The following SEMA6D variants were observed in gnomAD, a reference collection of about 807,000 sequenced individuals.
SEMA6D encodes the protein semaphorin-6D.
A neutral mutation model predicts 106.6 loss-of-function variants in SEMA6D; 35 were observed. The observed-to-expected ratio is 0.33, with a 90% CI of 0.25 to 0.44. The LOEUF is 0.44. SEMA6D is among the 20% of genes least tolerant of loss of function. The pLI is 1.00. For missense variants in SEMA6D, 1,185 were observed against 1,345.9 expected (o/e 0.88, Z 1.87); for synonymous variants, 499 against 487.7 (o/e 1.02, Z -0.31).
At chr15:47,653,331 T>C (rs1236764948) in intron 4 of SEMA6D, among the ~76,000 whole-genome samples, 1 of 152,184 alleles carries the variant, frequency 6.6e-6, no homozygotes, top group Non-Finnish European at 1.5e-5. Context: ...CGGGAAATAA[T>C]AGAGACTCTT....
At position 47,303,851 on chromosome 15, in the gene SEMA6D, C is replaced by G. The variant is rs374973432; in HGVS notation, c.-238-108542C>G. On this transcript the variant is annotated intron_variant, in intron 1 of 19. Transcript: ENST00000558014. ...TCTAGGAAGGCCAAATAATGAGGCT[C>G]TGAACTGTGCTTATGCCTGAGAGCT... Among the ~76,000 whole-genome samples the G allele has an allele frequency of 7.9e-5, 12 of 152,240 alleles. No individual in the cohort carries two copies. In the East Asian group the frequency reaches 2.3e-3, roughly 29 times the overall value.
chr15:47,390,384 T>A (rs2039984928), intron 1 of SEMA6D, among the ~76,000 whole-genome samples: 1 of 152,192 alleles, frequency 6.6e-6, no homozygotes, highest in Non-Finnish European at 1.5e-5. Context: ...GTTAGCAAAG[T>A]GTACTCAGCC....
intron 1 of SEMA6D, among the ~76,000 whole-genome samples, chr15:47,287,961 G>GTT (rs1225237288): frequency 1.3e-5 from 2 of 152,114 alleles, no homozygotes; most frequent in African/African-American, 4.8e-5. Context: ...GGGGGAGATG[G>GTT]TTTTTCACAT....
intron 1 of SEMA6D, among the ~76,000 whole-genome samples, chr15:47,318,234 T>G (rs1471004620): frequency 6.6e-6 from 1 of 151,758 alleles, no homozygotes; most frequent in East Asian, 1.9e-4. Flanking sequence ...TTTTTCCCAC[T>G]TTAAACTTTT....
At chr15:47,759,691 G>C (rs1443742852) in intron 1 of SEMA6D, 54 bp from the exon 2 acceptor site, 1 of 802,874 alleles carries the variant, frequency 1.2e-6, no homozygotes, top group Non-Finnish European at 2.1e-6. Flanking sequence ...TTACAAACAA[G>C]AAAACCGCTT....
intron 4 of SEMA6D, among the ~76,000 whole-genome samples, chr15:47,636,518 G>A (rs985337330): frequency 1.3e-5 from 2 of 152,126 alleles, no homozygotes; most frequent in Non-Finnish European, 2.9e-5. Context: ...TCATCAGGGT[G>A]GACCTGTTCT....
chr15:47,668,283 G>T (rs1392773754), intron 4 of SEMA6D, among the ~76,000 whole-genome samples: 2 of 152,098 alleles, frequency 1.3e-5, no homozygotes, highest in South Asian at 2.1e-4. Context: ...GGGTCAGCTT[G>T]TTCTTTCTTT....
intron 1 of SEMA6D, among the ~76,000 whole-genome samples, chr15:47,323,828 A>G (rs549844512): frequency 6.6e-6 from 1 of 152,302 alleles, no homozygotes; most frequent in South Asian, 2.1e-4. Flanking sequence ...ACCTGTTTCT[A>G]TTTTATATCT....
At chr15:47,429,561 C>A (rs1007867267) in intron 2 of SEMA6D, among the ~76,000 whole-genome samples, 1 of 152,014 alleles carries the variant, frequency 6.6e-6, no homozygotes, top group African/African-American at 2.4e-5. Context: ...GGTAAGGCAA[C>A]AGAACACCAA....
At chr15:47,192,395 T>A (rs1278201159) in intron 1 of SEMA6D, among the ~76,000 whole-genome samples, 1 of 152,170 alleles carries the variant, frequency 6.6e-6, no homozygotes, top group East Asian at 1.9e-4. Flanking sequence ...TAAATGCAAT[T>A]TGCCAATGAA....
At chr15:47,647,434 C>T (rs949392962) in intron 4 of SEMA6D, among the ~76,000 whole-genome samples, 1 of 152,062 alleles carries the variant, frequency 6.6e-6, no homozygotes, top group Non-Finnish European at 1.5e-5. Context: ...AGATGAAACG[C>T]ATGATAAGTT....
intron 2 of SEMA6D, among the ~76,000 whole-genome samples, chr15:47,414,319 G>A (rs917450230): frequency 3.9e-5 from 6 of 152,084 alleles, no homozygotes; most frequent in African/African-American, 9.7e-5. Flanking sequence ...TACATAAGTC[G>A]TGGTTTCCTC....
chr15:47,603,420 T>C (rs929792633), intron 4 of SEMA6D: 3 of 152,124 alleles, frequency 2.0e-5, no homozygotes, highest in African/African-American at 7.2e-5. Context: ...GGAAAGCAAC[T>C]CTCACTGAAG....
intron 4 of SEMA6D, among the ~76,000 whole-genome samples, chr15:47,688,293 G>A (rs972808512): frequency 2.0e-5 from 3 of 152,002 alleles, no homozygotes; most frequent in Admixed American, 2.0e-4. Context: ...CTGACTATTG[G>A]GTGCCATACT....
intron 1 of SEMA6D, among the ~76,000 whole-genome samples, chr15:47,753,784 G>T (rs7167021): frequency 0.21 from 32,147 of 152,054 alleles, 3,842 homozygotes; most frequent in Non-Finnish European, 0.26. Flanking sequence ...GATCATGGAG[G>T]CCAAAGGTCT....
chr15:47,414,548 A>G (rs1291588590), intron 2 of SEMA6D, among the ~76,000 whole-genome samples: 1 of 152,228 alleles, frequency 6.6e-6, no homozygotes, highest in African/African-American at 2.4e-5. Context: ...CACAGAAGTC[A>G]TCATTTCATC....
At chr15:47,576,735 C>T (rs2076162384) in intron 3 of SEMA6D, among the ~76,000 whole-genome samples, 1 of 152,172 alleles carries the variant, frequency 6.6e-6, no homozygotes, top group Non-Finnish European at 1.5e-5. Context: ...TCCTTCCAGG[C>T]CAGGTTTTCT....
In SEMA6D at chr15:47,765,914, G is replaced by A. The variant is rs772145252; in HGVS notation, c.1473G>A (p.Gln491=). ...NEEDKKVISL[Q]LDKDHHALYV... is the part of the protein sequence containing the mutation. ...AAGACAAAAAGGTCATCTCATTACA[G>A]TTGGATAAAGATCACCACGCTTTAT... The change falls in exon 14 of 19, where the codon CAG becomes CAA. Residue 491 remains glutamine, a synonymous_variant. Coordinates refer to ENST00000536845, the MANE Select transcript of SEMA6D (RefSeq NM_001358351.3). The A allele has an allele frequency of 1.9e-6, 3 of 1,559,664 alleles. No individual in the cohort carries two copies. The highest frequency in any genetic ancestry group is 1.2e-5 in the South Asian group (1 of 80,440).
In SEMA6D at chr15:47,375,845, C is replaced by A. The variant is rs12595639; in HGVS notation, c.-238-36548C>A. On this transcript the variant is annotated intron_variant, in intron 1 of 19. Coordinates refer to the SEMA6D transcript ENST00000558014. ...TAGGCATTACATATACATTTATGTT[C>A]TATTGTATTAATTGGAAAAGGATGA... Among the ~76,000 whole-genome samples, 44 of 152,162 alleles carry A rather than the reference C, an allele frequency of 2.9e-4. No homozygotes were observed. In the East Asian group the frequency reaches 7.9e-3, roughly 27 times the overall value.
Sources: allele counts gnomAD v4.1 joint callset (sites outside exome capture counted in the v4.1 genomes callset), GRCh38; gene constraint gnomAD v4.1.1; transcripts MANE v1.5; gene names NCBI Gene and HGNC (gene_info 2026-07-23, HGNC 2026-07-21).